Variants in RALGPS1 observed in about 807,000 individuals in gnomAD.
The protein encoded by RALGPS1 is Ral GEF with PH domain and SH3 binding motif 1.
A neutral mutation model predicts 78.8 loss-of-function variants in RALGPS1; 19 were observed. The observed-to-expected ratio is 0.24, with a 90% CI of 0.17 to 0.35. RALGPS1 has a LOEUF of 0.35. Ranked by LOEUF, RALGPS1 falls within the 10% of genes least tolerant of loss-of-function variation. The pLI, the probability that RALGPS1 is intolerant of heterozygous loss-of-function variation, is 1.00. For synonymous variants in RALGPS1, 228 were observed against 256.3 expected (o/e 0.89, Z 1.06); for missense variants, 454 against 688.3 (o/e 0.66, Z 3.81).
intron 3 of RALGPS1, among the ~76,000 whole-genome samples, chr9:126,969,669 A>G (rs890655364): frequency 1.3e-5 from 2 of 152,232 alleles, no homozygotes; most frequent in Non-Finnish European, 2.9e-5. Context: ...AGGCTTAAAA[A>G]TCCCTTTCTA....
intron 8 of RALGPS1, among the ~76,000 whole-genome samples, chr9:127,137,750 G>A (rs2057500117): frequency 6.6e-6 from 1 of 152,214 alleles, no homozygotes; most frequent in Non-Finnish European, 1.5e-5. Context: ...TACATGGCGT[G>A]AGCAGATCAG....
chr9:127,188,453 C>G (rs1050002489), intron 11 of RALGPS1, among the ~76,000 whole-genome samples: 5 of 152,124 alleles, frequency 3.3e-5, no homozygotes, highest in Admixed American at 6.5e-5. Context: ...AGAGTCATGC[C>G]TCTCCAGTTC....
intron 5 of RALGPS1, among the ~76,000 whole-genome samples, chr9:127,040,045 T>C (rs555810091): frequency 2.6e-5 from 4 of 152,194 alleles, no homozygotes; most frequent in Admixed American, 2.6e-4. Flanking sequence ...CCCTTAGGGG[T>C]TGGCAAAGCA....
intron 8 of RALGPS1, among the ~76,000 whole-genome samples, chr9:127,074,813 T>C (rs1418659114): frequency 6.6e-6 from 1 of 152,216 alleles, no homozygotes; most frequent in Non-Finnish European, 1.5e-5. Context: ...AGCCCTAAGC[T>C]CTTGACACTG....
chr9:127,042,846 C>G (rs962677603), intron 5 of RALGPS1, among the ~76,000 whole-genome samples: 1 of 152,078 alleles, frequency 6.6e-6, no homozygotes, highest in African/African-American at 2.4e-5. Flanking sequence ...GGCCAGTATA[C>G]AAGAGTCAAT....
At chr9:127,198,780 C>T (rs1266824598) in intron 13 of RALGPS1, among the ~76,000 whole-genome samples, 1 of 152,120 alleles carries the variant, frequency 6.6e-6, no homozygotes, top group East Asian at 1.9e-4. Flanking sequence ...TTAGCTGTGG[C>T]CCCCGGGGGC....
At chr9:127,097,366 T>A (rs2053247551) in intron 8 of RALGPS1, among the ~76,000 whole-genome samples, 1 of 152,254 alleles carries the variant, frequency 6.6e-6, no homozygotes, top group Admixed American at 6.5e-5. Context: ...TTTCTGCTGT[T>A]ACAAAAAATG....
intron 11 of RALGPS1, among the ~76,000 whole-genome samples, chr9:127,188,539 C>T (rs1400499467): frequency 6.6e-6 from 1 of 152,062 alleles, no homozygotes; most frequent in Non-Finnish European, 1.5e-5. Flanking sequence ...CTCAGAGAGC[C>T]TCTCCTCTCT....
chr9:127,197,712 G>A (rs902272177), intron 13 of RALGPS1, among the ~76,000 whole-genome samples: 2 of 152,226 alleles, frequency 1.3e-5, no homozygotes, highest in African/African-American at 4.8e-5. Context: ...CAACAGCTCA[G>A]GACGATGTGT....
chr9:126,968,478 T>C (rs1397689838), intron 3 of RALGPS1, among the ~76,000 whole-genome samples: 8 of 152,262 alleles, frequency 5.3e-5, no homozygotes, highest in Admixed American at 1.3e-4. Flanking sequence ...GAAGTAATTA[T>C]AAGAGCAACT....
intron 1 of RALGPS1, among the ~76,000 whole-genome samples, chr9:126,938,818 C>T (rs773973438): frequency 3.5e-4 from 54 of 152,226 alleles, no homozygotes; most frequent in Middle Eastern, 3.4e-3. Context: ...GAAGGACCTA[C>T]CTAGGGCATC....
chr9:127,203,247 G>A (rs2061739862), intron 14 of RALGPS1, among the ~76,000 whole-genome samples: 1 of 152,192 alleles, frequency 6.6e-6, no homozygotes, highest in South Asian at 2.1e-4. Flanking sequence ...TATTGAGTGA[G>A]TTTATTTTCC....
At position 127,212,943 on chromosome 9, in the gene RALGPS1, G is replaced by C; in HGVS notation, c.1447-1G>C. 6.2e-7 allele frequency: 1 copy of C among 1,614,192 alleles called. No individual in the cohort carries two copies. The highest frequency in any genetic ancestry group is 8.5e-7 in the Non-Finnish European group (1 of 1,180,026). On this transcript the variant is annotated splice_acceptor_variant, in intron 16 of 18. Transcript: ENST00000259351. LOFTEE classifies it high-confidence loss of function. The surrounding 1 kb of genome is among the most constrained non-coding windows in gnomAD (Gnocchi z 6.0). ...CCGGATGTGTTGTTGCTCTCCTCCA[G>C]TATAAATCCACACCTGGCAAAAAGG... is the stretch of plus-strand genomic sequence containing the variant.
intron 11 of RALGPS1, among the ~76,000 whole-genome samples, chr9:127,176,488 C>T (rs1369219284): frequency 6.6e-6 from 1 of 152,174 alleles, no homozygotes; most frequent in Non-Finnish European, 1.5e-5. Flanking sequence ...AGAAGGAATG[C>T]TAGCAAAGAC....
chr9:127,176,389 C>T (rs562596032), intron 11 of RALGPS1, among the ~76,000 whole-genome samples: 1 of 152,248 alleles, frequency 6.6e-6, no homozygotes, highest in East Asian at 1.9e-4. Context: ...GGTGCGCAGT[C>T]ACCTACAACT....
chr9:126,974,183 A>G (rs544414434), intron 3 of RALGPS1, among the ~76,000 whole-genome samples: 2 of 152,174 alleles, frequency 1.3e-5, no homozygotes, highest in African/African-American at 4.8e-5. Flanking sequence ...CTAGTTTGAC[A>G]TTTTTTAAAA....
chr9:127,187,290 T>G (rs1049247181), intron 11 of RALGPS1, among the ~76,000 whole-genome samples: 8 of 152,190 alleles, frequency 5.3e-5, no homozygotes, highest in African/African-American at 1.9e-4. Flanking sequence ...GTCTCCTGTT[T>G]ACTAGATCAC....
At chr9:127,153,450 T>TCC (rs2058540427) in intron 8 of RALGPS1, among the ~76,000 whole-genome samples, 1 of 149,134 alleles carries the variant, frequency 6.7e-6, no homozygotes, top group Non-Finnish European at 1.5e-5. Context: ...CTGTTGAATG[T>TCC]CCCTCTTCTG....
intron 4 of RALGPS1, among the ~76,000 whole-genome samples, chr9:127,000,919 A>G (rs1030228486): frequency 6.6e-6 from 1 of 151,678 alleles, no homozygotes; most frequent in Non-Finnish European, 1.5e-5. Context: ...ATTTAAATTT[A>G]TTGAGACTAG....
Sources: gnomAD v4.1 joint callset for allele counts (sites outside exome capture counted in the v4.1 genomes callset) on GRCh38, gnomAD v4.1.1 for gene constraint, Gnocchi (gnomAD v3.1) non-coding constraint, MANE v1.5 for transcripts, NCBI Gene and HGNC (gene_info 2026-07-23, HGNC 2026-07-21) for gene names.